PRKAA2: variants seen among roughly 807,000 people sequenced by gnomAD.
The protein encoded by PRKAA2 is protein kinase AMP-activated catalytic subunit alpha 2.
In PRKAA2, 40 loss-of-function variants were observed where a neutral mutation model predicts 56.3. The ratio of observed to expected loss-of-function variants is 0.71; its 90% confidence interval spans 0.55 to 0.92. PRKAA2 has a LOEUF of 0.92. PRKAA2 is among the 40% of genes least tolerant of loss of function. The pLI, the probability that PRKAA2 is intolerant of heterozygous loss-of-function variation, is 0.00. For missense variants in PRKAA2, 542 were observed against 686.9 expected (o/e 0.79, Z 2.36); for synonymous variants, 214 against 234.2 (o/e 0.91, Z 0.79).
chr1:56,689,983 C>T (rs2897036), intron 2 of PRKAA2, among the ~76,000 whole-genome samples: 4 of 150,412 alleles, frequency 2.7e-5, no homozygotes, highest in Non-Finnish European at 4.4e-5. Context: ...ACAAAAGTAA[C>T]GCGGTGAAAC....
chr1:56,708,556 T>C lies in PRKAA2; in HGVS notation c.*843T>C, dbSNP rs1644348529. 1 of 152,242 alleles carries C rather than the reference T, an allele frequency of 6.6e-6. No individual in the cohort carries two copies. The highest frequency in any genetic ancestry group is 1.5e-5 in the Non-Finnish European group (1 of 68,044). The allele number at this position is 152,242 out of a possible 1,614,324, so 9.4% of individuals were successfully genotyped here. A position where few individuals can be genotyped will look rare whatever the true frequency, so the allele number is the denominator to read the frequency against. ...TTGCATTTCACCAACAGTGATAAAA[T>C]AGTTAAATGAAACAAAGCAAAGTAT... On this transcript the variant is annotated 3_prime_UTR_variant, in exon 9 of 9. Coordinates refer to ENST00000371244, the MANE Select transcript of PRKAA2 (RefSeq NM_006252.4).
chr1:56,652,439 A>G (rs1336014747), intron 1 of PRKAA2, among the ~76,000 whole-genome samples: 2 of 152,172 alleles, frequency 1.3e-5, no homozygotes, highest in Non-Finnish European at 2.9e-5. Context: ...ACAGGCTATA[A>G]AGGTAATCTT....
chr1:56,701,031 T>C (rs1055762165), intron 6 of PRKAA2, among the ~76,000 whole-genome samples: 2 of 152,190 alleles, frequency 1.3e-5, no homozygotes, highest in Non-Finnish European at 2.9e-5. Flanking sequence ...TTGGTTAATT[T>C]CCAGGGTTCT....
intron 1 of PRKAA2, among the ~76,000 whole-genome samples, chr1:56,646,369 A>T (rs745946460): frequency 6.6e-6 from 1 of 152,200 alleles, no homozygotes; most frequent in Non-Finnish European, 1.5e-5. Context: ...GAGGCTGAGG[A>T]GGTCAGGACT....
intron 2 of PRKAA2, among the ~76,000 whole-genome samples, chr1:56,687,826 C>A (rs1644202144): frequency 6.6e-6 from 1 of 151,976 alleles, no homozygotes; most frequent in South Asian, 2.1e-4. Flanking sequence ...GGAAAGATTT[C>A]TATTTTTTTT....
intron 1 of PRKAA2, among the ~76,000 whole-genome samples, chr1:56,657,166 A>AAG (rs1349993675): frequency 2.0e-5 from 3 of 152,148 alleles, no homozygotes; most frequent in African/African-American, 7.2e-5. Context: ...TTATCCTTGC[A>AAG]GAAATGGGAA....
rs191902685 is a variant in PRKAA2 at position 56,699,425 on chromosome 1, C to G, written c.788+3266C>G. On this transcript the variant is annotated intron_variant, in intron 6 of 8. Transcript: ENST00000371244. Reference sequence around the variant, plus strand: ...TCTCAGATGAACCTTCATAAACATCCTAGTTACTGCTCACTTTGGTAGAGT... The same window carrying G: ...TCTCAGATGAACCTTCATAAACATCGTAGTTACTGCTCACTTTGGTAGAGT... Among the ~76,000 whole-genome samples, 13 of 152,174 alleles carry G rather than the reference C, an allele frequency of 8.5e-5. No homozygotes were observed. The East Asian group carries it at 2.5e-3, about 29-fold the overall frequency.
intron 1 of PRKAA2, among the ~76,000 whole-genome samples, chr1:56,655,572 A>G (rs1232911218): frequency 6.6e-6 from 1 of 152,034 alleles, no homozygotes; most frequent in African/African-American, 2.4e-5. Context: ...GTTTTTTACC[A>G]GTGTTCATCT....
intron 1 of PRKAA2, among the ~76,000 whole-genome samples, chr1:56,669,950 G>A (rs772711322): frequency 1.1e-4 from 17 of 152,026 alleles, no homozygotes; most frequent in Non-Finnish European, 1.9e-4. Flanking sequence ...CTTATCAAAC[G>A]TAAAATATAA....
intron 1 of PRKAA2, among the ~76,000 whole-genome samples, chr1:56,648,272 A>G (rs1479046522): frequency 1.3e-5 from 2 of 152,280 alleles, no homozygotes; most frequent in African/African-American, 4.8e-5. Flanking sequence ...CTGCCTGTAT[A>G]AATTTGCTTT....
At chr1:56,676,828 T>C (rs895980622) in intron 2 of PRKAA2, among the ~76,000 whole-genome samples, 41 of 152,176 alleles carry the variant, frequency 2.7e-4, no homozygotes, top group African/African-American at 9.7e-4. Flanking sequence ...GAGCAGGCTT[T>C]TATGGGATTG....
chr1:56,671,088 G>A (rs1218024912), intron 1 of PRKAA2, among the ~76,000 whole-genome samples: 2 of 151,926 alleles, frequency 1.3e-5, no homozygotes, highest in Non-Finnish European at 2.9e-5. Flanking sequence ...AATTTCTTTT[G>A]TTTCGATTTA....
At chr1:56,690,415 C>T (rs148408104) in intron 2 of PRKAA2, among the ~76,000 whole-genome samples, 3,072 of 152,152 alleles carry the variant, frequency 0.02, 112 homozygotes, top group African/African-American at 0.068. Flanking sequence ...GTGATCTGTC[C>T]GCCTCGGCCT....
At chr1:56,696,200 A>G in intron 6 of PRKAA2, 41 bp downstream of exon 6, 5 of 1,527,614 alleles carry the variant, frequency 3.3e-6, no homozygotes, top group Non-Finnish European at 4.5e-6. Context: ...ATTTTCTCAT[A>G]GGAATAATAA....
chr1:56,693,706 A>T, intron 4 of PRKAA2, 59 bp from the exon 5 acceptor site: 2 of 1,239,894 alleles, frequency 1.6e-6, no homozygotes, highest in Non-Finnish European at 2.3e-6. Flanking sequence ...TCATATTTAT[A>T]TGACTTTATC....
At chr1:56,647,587 G>A (rs1187636020) in intron 1 of PRKAA2, among the ~76,000 whole-genome samples, 1 of 152,156 alleles carries the variant, frequency 6.6e-6, no homozygotes, top group Non-Finnish European at 1.5e-5. Flanking sequence ...TGAACAACCA[G>A]TTGAAGGAGT....
intron 1 of PRKAA2, among the ~76,000 whole-genome samples, chr1:56,670,698 G>A (rs1644069133): frequency 6.6e-6 from 1 of 152,138 alleles, no homozygotes; most frequent in South Asian, 2.1e-4. Context: ...TACTTGAGTA[G>A]GCCTTCATTA....
At chr1:56,691,171 T>G (rs1016781484) in intron 2 of PRKAA2, among the ~76,000 whole-genome samples, 1 of 152,174 alleles carries the variant, frequency 6.6e-6, no homozygotes, top group African/African-American at 2.4e-5. Context: ...TATGTAAACT[T>G]GAAAGGGAGG....
intron 2 of PRKAA2, among the ~76,000 whole-genome samples, chr1:56,683,964 G>GT (rs1156558633): frequency 6.6e-6 from 1 of 152,148 alleles, no homozygotes; most frequent in Non-Finnish European, 1.5e-5. Context: ...GTGAGCAAGA[G>GT]TTGAAGCAGG....
Sources: gnomAD v4.1 joint callset for allele counts (sites outside exome capture counted in the v4.1 genomes callset) on GRCh38, gnomAD v4.1.1 for gene constraint, MANE v1.5 for transcripts, NCBI Gene and HGNC (gene_info 2026-07-23, HGNC 2026-07-21) for gene names.